Variants in RANBP17 observed in about 807,000 individuals in gnomAD.
RANBP17 encodes the protein RAN binding protein 17.
Under a neutral mutation model 141.2 loss-of-function variants are expected in RANBP17, and 158 were observed. The ratio of observed to expected loss-of-function variants is 1.12; its 90% CI spans 0.98 to 1.28. The LOEUF is 1.28. RANBP17 is among the 50% of genes most tolerant of loss of function. The pLI, the probability that RANBP17 is intolerant of heterozygous loss-of-function variation, is 0.00. For missense variants in RANBP17, 1,438 were observed against 1,290.7 expected (o/e 1.11, Z -1.75); for synonymous variants, 430 against 450.0 (o/e 0.96, Z 0.56).
At chr5:171,071,422 G>A (rs975084739) in intron 14 of RANBP17, among the ~76,000 whole-genome samples, 1 of 151,766 alleles carries the variant, frequency 6.6e-6, no homozygotes, top group Non-Finnish European at 1.5e-5. Flanking sequence ...GGAAAAAGAG[G>A]AACAAAGTTG....
At chr5:171,297,074 C>T (rs1056420513) in intron 27 of RANBP17, among the ~76,000 whole-genome samples, 24 of 152,074 alleles carry the variant, frequency 1.6e-4, no homozygotes, top group Admixed American at 1.2e-3. Flanking sequence ...AATGACAGAA[C>T]GCAGTGAAAC....
chr5:171,141,912 A>G (rs1757730434), intron 14 of RANBP17, among the ~76,000 whole-genome samples: 2 of 152,078 alleles, frequency 1.3e-5, no homozygotes, highest in Non-Finnish European at 2.9e-5. Context: ...ATATACTTTC[A>G]TTTTTTGGTT....
At position 171,092,688 on chromosome 5, in the gene RANBP17, G is replaced by T. The variant is rs115617668; in HGVS notation, c.1711-77442G>T. 1.9e-3 allele frequency among the ~76,000 whole-genome samples: 287 copies of T among 152,276 alleles called. 1 individual carries two copies. Among genetic ancestry groups the T allele is most frequent in the African/African-American group, 6.1e-3 (254 of 41,558 alleles). ...TCACCTATTCTTATTTTTCCTAAGAGATCTTTTTCATATGATAGTGACATG... is the reference window on the plus strand; with the variant it reads ...TCACCTATTCTTATTTTTCCTAAGATATCTTTTTCATATGATAGTGACATG... On this transcript the variant is annotated intron_variant, in intron 14 of 27. Coordinates refer to ENST00000523189, the MANE Select transcript of RANBP17 (RefSeq NM_022897.5).
chr5:170,881,875 G>T lies in RANBP17; in HGVS notation c.235G>T (p.Val79Phe), dbSNP rs1431931016. The part of the protein sequence containing the change: ...KLVSRVSPLP[V>F]EQRMDIRNYI... Reference sequence around the variant, plus strand: ...TGTCAGCCGAGTCAGTCCTTTACCTGTTGAGCAGAGGATGGACATCAGTAA... The same window carrying T: ...TGTCAGCCGAGTCAGTCCTTTACCTTTTGAGCAGAGGATGGACATCAGTAA... The change falls in exon 3 of 28, where the codon GTT (valine) becomes TTT (phenylalanine). Residue 79 changes from valine to phenylalanine, a missense_variant. Transcript: ENST00000523189. 1 of 1,606,838 alleles carries T rather than the reference G, an allele frequency of 6.2e-7. No individual in the cohort carries two copies. The highest frequency in any genetic ancestry group is 8.5e-7 in the Non-Finnish European group (1 of 1,176,492).
intron 25 of RANBP17, among the ~76,000 whole-genome samples, chr5:171,282,941 A>G (rs1767943122): frequency 6.6e-6 from 1 of 152,024 alleles, no homozygotes; most frequent in Non-Finnish European, 1.5e-5. Flanking sequence ...TCTGCGCCCA[A>G]CCTATGTAAT....
chr5:170,898,905 C>A (rs1349745115), intron 5 of RANBP17, among the ~76,000 whole-genome samples: 1 of 152,134 alleles, frequency 6.6e-6, no homozygotes, highest in Non-Finnish European at 1.5e-5. Flanking sequence ...CAGTACCATG[C>A]TGGTTTGGTT....
chr5:170,884,181 T>C (rs1027741476), intron 3 of RANBP17, among the ~76,000 whole-genome samples: 5 of 152,192 alleles, frequency 3.3e-5, no homozygotes, highest in African/African-American at 1.2e-4. Context: ...AATTTGTATT[T>C]CCCTGAGAAC....
intron 25 of RANBP17, among the ~76,000 whole-genome samples, chr5:171,275,831 AATAAC>A (rs1045696657): frequency 2.6e-5 from 4 of 152,168 alleles, no homozygotes; most frequent in African/African-American, 9.7e-5. Context: ...CCTCACACAA[AATAAC>A]ATGGATGAAA....
intron 16 of RANBP17, among the ~76,000 whole-genome samples, chr5:171,176,584 TAA>T (rs1340792734): frequency 6.6e-6 from 1 of 152,176 alleles, no homozygotes; most frequent in Non-Finnish European, 1.5e-5. Flanking sequence ...CCAAAGAGCT[TAA>T]AGTCAGTTGT....
intron 1 of RANBP17, among the ~76,000 whole-genome samples, chr5:170,865,053 TTTGTTG>T (rs551732665): frequency 6.6e-6 from 1 of 151,900 alleles, no homozygotes; most frequent in Non-Finnish European, 1.5e-5. Flanking sequence ...TGTTTGCAGG[TTTGTTG>T]TTGTTGTTGT....
chr5:170,990,239 A>G (rs1044729839), intron 14 of RANBP17, among the ~76,000 whole-genome samples: 2 of 151,870 alleles, frequency 1.3e-5, no homozygotes, highest in Non-Finnish European at 2.9e-5. Context: ...AAATGAATGC[A>G]ATGTGTATTT....
intron 14 of RANBP17, among the ~76,000 whole-genome samples, chr5:170,999,277 A>C (rs550613161): frequency 5.3e-5 from 8 of 152,218 alleles, no homozygotes; most frequent in Admixed American, 5.2e-4. Flanking sequence ...TTCTTTCATC[A>C]TATTTTTATA....
chr5:170,903,578 G>A (rs1157319181), intron 5 of RANBP17: 3 of 243,836 alleles, frequency 1.2e-5, no homozygotes, highest in Non-Finnish European at 2.7e-5. Context: ...GAAGTATGTA[G>A]ATTTATGACC....
At chr5:171,127,981 A>C (rs1274396340) in intron 14 of RANBP17, among the ~76,000 whole-genome samples, 1 of 152,026 alleles carries the variant, frequency 6.6e-6, no homozygotes, top group Non-Finnish European at 1.5e-5. Flanking sequence ...GCACGGTGAA[A>C]CCCCGTCTCT....
At chr5:171,178,177 C>G (rs548419473) in intron 16 of RANBP17, among the ~76,000 whole-genome samples, 5 of 140,844 alleles carry the variant, frequency 3.6e-5, no homozygotes, top group Non-Finnish European at 6.2e-5. Context: ...CCTACCCCCC[C>G]ACCCCCCGAC....
intron 14 of RANBP17, among the ~76,000 whole-genome samples, chr5:171,099,262 C>T (rs191323315): frequency 0.046 from 6,985 of 152,092 alleles, 196 homozygotes; most frequent in East Asian, 0.12. Flanking sequence ...GATGTTTTTC[C>T]ATTTTTTTGT....
intron 12 of RANBP17, among the ~76,000 whole-genome samples, chr5:170,933,475 T>C (rs554293003): frequency 2.4e-4 from 37 of 152,348 alleles, no homozygotes; most frequent in South Asian, 1.0e-3. Context: ...GTGTTTGCTC[T>C]TCCTTCTCTA....
At chr5:170,977,841 T>G (rs535204185) in intron 14 of RANBP17, among the ~76,000 whole-genome samples, 1 of 152,204 alleles carries the variant, frequency 6.6e-6, no homozygotes, top group Admixed American at 6.5e-5. Context: ...GGGCTGGGGT[T>G]ATTGGAGATT....
At position 170,928,544 on chromosome 5, in the gene RANBP17, T is replaced by C. The variant is rs1292524171; in HGVS notation, c.1468+3994T>C. On this transcript the variant is annotated intron_variant, in intron 12 of 27. Transcript: ENST00000523189. The stretch of plus-strand genomic sequence containing the variant: ...AGTTAAGGGTCAAGGCTTACAGTTA[T>C]CCAGTTGTTCTAACACCATTTGTAG... Among the ~76,000 whole-genome samples the C allele has an allele frequency of 5.3e-5, 8 of 152,154 alleles. 1 individual carries two copies. The East Asian group carries it at 1.2e-3, about 22-fold the overall frequency.
Sources: allele counts gnomAD v4.1 joint callset (sites outside exome capture counted in the v4.1 genomes callset), GRCh38; gene constraint gnomAD v4.1.1; transcripts MANE v1.5; gene names NCBI Gene and HGNC (gene_info 2026-07-23, HGNC 2026-07-21).